The following HSD3B1 variants were observed in gnomAD, a reference collection of about 807,000 sequenced individuals.
HSD3B1 encodes hydroxy-delta-5-steroid dehydrogenase, 3 beta- and steroid delta-isomerase 1, also known as 3 beta-hydroxysteroid dehydrogenase/Delta 5-->4-isomerase type 1.
HSD3B1 carries 11 observed loss-of-function variants against 10.4 expected under a neutral mutation model. That is an observed-to-expected ratio of 1.05 (90% CI 0.66 to 1.75). HSD3B1 has a LOEUF of 1.75. Among genes scored for constraint, HSD3B1 ranks in the 40% most tolerant of loss-of-function variants. HSD3B1 has a pLI of 0.00. For missense variants in HSD3B1, 490 were observed against 454.5 expected (o/e 1.08, Z -0.71); for synonymous variants, 217 against 185.4 (o/e 1.17, Z -1.39).
In HSD3B1 at chr1:119,514,404, T is replaced by C. The variant is rs767386269; in HGVS notation, c.881T>C (p.Ile294Thr). 25 of 1,614,052 alleles carry C rather than the reference T, an allele frequency of 1.5e-5. No individual in the cohort carries two copies. The highest frequency in any genetic ancestry group is 2.1e-5 in the Non-Finnish European group (25 of 1,180,010). The change falls in exon 4 of 4, where the codon ATT becomes ACT. Residue 294 changes from isoleucine to threonine, a missense_variant. Ile to Thr is a moderately conservative substitution (Grantham distance 89). Coordinates refer to ENST00000369413, the MANE Select transcript of HSD3B1 (RefSeq NM_000862.3). ...WSFPLSLMYW[I>T]GFLLEIVSFL... ...TTTCCTTTATCCCTGATGTATTGGA[T>C]TGGCTTCCTGCTGGAAATAGTGAGC...
chr1:119,514,691 C>T lies in HSD3B1; in HGVS notation c.*46C>T. 1 of 1,590,796 alleles carries T rather than the reference C, an allele frequency of 6.3e-7. No homozygotes were observed. Among genetic ancestry groups the T allele is most frequent in the Non-Finnish European group, 8.6e-7 (1 of 1,165,366 alleles). On this transcript the variant is annotated 3_prime_UTR_variant, in exon 4 of 4. Transcript: ENST00000369413. The stretch of plus-strand genomic sequence containing the variant: ...GCATGTGGGTATTGTTAGGAGATGT[C>T]ATCAAGCTCCACCCTCCTGGCCTCA...
chr1:119,509,576 G>A (rs947205968), intron 2 of HSD3B1, among the ~76,000 whole-genome samples: 1 of 152,164 alleles, frequency 6.6e-6, no homozygotes, highest in African/African-American at 2.4e-5. Flanking sequence ...GGGCAGAGGT[G>A]GAACTAGAAC....
rs1234618024 is a variant in HSD3B1 at position 119,511,663 on chromosome 1, G to A, written c.306G>A (p.Val102=). The change falls in exon 3 of 4, where the codon GTG becomes GTA. Residue 102 remains valine (V), a synonymous_variant. Coordinates refer to ENST00000369413, the MANE Select transcript of HSD3B1 (RefSeq NM_000862.3). The part of the protein sequence containing the change: ...THRESIMNVN[V]KGTQLLLEAC... Reference sequence around the variant, plus strand: ...GAGAGTCTATCATGAATGTCAATGTGAAAGGTATGGTAGGCTGGGGAGGAG... The same window carrying A: ...GAGAGTCTATCATGAATGTCAATGTAAAAGGTATGGTAGGCTGGGGAGGAG... 1 of 1,613,434 alleles carries A rather than the reference G, an allele frequency of 6.2e-7. No homozygotes were observed. Among genetic ancestry groups the A allele is most frequent in the Non-Finnish European group, 8.5e-7 (1 of 1,179,594 alleles).
rs145818988 is a variant in HSD3B1 at position 119,509,881 on chromosome 1, A to G, written c.146-1622A>G. On this transcript the variant is annotated intron_variant, in intron 2 of 3. Transcript: ENST00000369413. ...AAAGAATGATATTAAACAACAGAAA[A>G]GTTGATATTAAACAGCCAGTCCTGC... Among the ~76,000 whole-genome samples the G allele has an allele frequency of 1.1e-4, 16 of 152,266 alleles. No individual in the cohort carries two copies. The East Asian group carries it at 2.3e-3, about 22-fold the overall frequency.
rs1298756494 is a variant in HSD3B1 at position 119,507,372 on chromosome 1, C to T, written c.-85-20C>T. 1.7e-6 allele frequency: 2 copies of T among 1,181,152 alleles called. No homozygotes were observed. Among genetic ancestry groups the T allele is most frequent in the Non-Finnish European group, 2.5e-6 (2 of 802,052 alleles). 73.2% of individuals were successfully genotyped at this position (1,181,152 alleles called of 1,614,324 possible). On this transcript the variant is annotated intron_variant, in intron 1 of 3. Transcript: ENST00000369413. ...TGAGGCATCTGTGTGAGTATATAAC[C>T]ATTTGACATCTCTTTTTAGCCCTCT...
At position 119,514,263 on chromosome 1, in the gene HSD3B1, C is replaced by T; in HGVS notation, c.740C>T (p.Pro247Leu). 1.2e-6 allele frequency: 2 copies of T among 1,614,110 alleles called. No individual in the cohort carries two copies. Among genetic ancestry groups the T allele is most frequent in the Non-Finnish European group, 1.7e-6 (2 of 1,180,006 alleles). The change falls in exon 4 of 4, where the codon CCA becomes CTA. Residue 247 changes from proline (P) to leucine (L), a missense_variant. Coordinates refer to ENST00000369413, the MANE Select transcript of HSD3B1 (RefSeq NM_000862.3). ...GCCCTGCAGGACCCCAAGAAGGCCC[C>T]AAGCATCCGAGGACAGTTCTACTAT... ...LRALQDPKKAPSIRGQFYYIS... is the reference protein window; with the variant it reads ...LRALQDPKKALSIRGQFYYIS...
At chr1:119,513,487 G>T (rs587719932) in intron 3 of HSD3B1, among the ~76,000 whole-genome samples, 36 of 151,928 alleles carry the variant, frequency 2.4e-4, no homozygotes, top group Non-Finnish European at 3.2e-4. Flanking sequence ...GACTTTAATG[G>T]TACTGATTAC....
At chr1:119,507,692 T>A (rs958352454) in intron 2 of HSD3B1, 71 bp downstream of exon 2, 1 of 1,490,420 alleles carries the variant, frequency 6.7e-7, no homozygotes, top group Non-Finnish European at 9.4e-7. Context: ...GAGATGGACC[T>A]TGTCTAGCAA....
chr1:119,511,915 A>G, intron 3 of HSD3B1: 2 of 475,390 alleles, frequency 4.2e-6, no homozygotes, highest in South Asian at 2.3e-5. Context: ...GGAGAGTTAG[A>G]CTTTAAACTC....
chr1:119,514,062 T>C lies in HSD3B1; in HGVS notation c.539T>C (p.Leu180Pro), dbSNP rs924253934. The change falls in exon 4 of 4, where the codon CTG becomes CCG. Residue 180 changes from leucine (L) to proline (P), a missense_variant. Coordinates refer to ENST00000369413, the MANE Select transcript of HSD3B1 (RefSeq NM_000862.3). Reference protein sequence around the residue: ...NGWNLKNGGTLYTCALRPMYI... With the variant: ...NGWNLKNGGTPYTCALRPMYI... ...TGGAATCTGAAAAACGGCGGCACCC[T>C]GTACACTTGTGCCTTACGACCCATG... is the stretch of plus-strand genomic sequence containing the variant. The C allele has an allele frequency of 1.2e-6, 2 of 1,614,030 alleles. No homozygotes were observed. Among genetic ancestry groups the C allele is most frequent in the African/African-American group, 1.3e-5 (1 of 74,924 alleles).
In HSD3B1 at chr1:119,514,987, C is replaced by T. The variant is rs1654067836; in HGVS notation, c.*342C>T. The T allele has an allele frequency of 3.6e-6, 1 of 281,428 alleles. No homozygotes were observed. Among genetic ancestry groups the T allele is most frequent in the South Asian group, 5.9e-5 (1 of 16,814 alleles). The allele number at this position is 281,428 out of a possible 1,614,324, so 17.4% of individuals were successfully genotyped here. ...CTACTCTTAAATGAGAAAGGATTTC[C>T]TTTCTTTTTAATCTTCCATTCCTTC... is the stretch of plus-strand genomic sequence containing the variant. On this transcript the variant is annotated 3_prime_UTR_variant, in exon 4 of 4. Coordinates refer to ENST00000369413, the MANE Select transcript of HSD3B1 (RefSeq NM_000862.3).
In HSD3B1 at chr1:119,513,826, A is replaced by G. The variant is rs766473772; in HGVS notation, c.311-8A>G. 1.9e-6 allele frequency: 3 copies of G among 1,613,052 alleles called. No individual in the cohort carries two copies. The South Asian group carries it at 3.3e-5, about 18-fold the overall frequency. On this transcript the variant is annotated splice_polypyrimidine_tract_variant and splice_region_variant and intron_variant, in intron 3 of 3. Transcript: ENST00000369413. ...TCCTGACAGTGACAATATGCTCTTC[A>G]TGGACAGGTACCCAGCTCCTGTTAG...
At chr1:119,508,021 C>T (rs1653838081) in intron 2 of HSD3B1, 1 of 187,498 alleles carries the variant, frequency 5.3e-6, no homozygotes, top group Non-Finnish European at 1.1e-5. Flanking sequence ...GGGTCATTGT[C>T]TCTCTAGAAC....
intron 2 of HSD3B1, among the ~76,000 whole-genome samples, chr1:119,508,851 A>T (rs1198134009): frequency 6.6e-6 from 1 of 152,162 alleles, no homozygotes; most frequent in East Asian, 1.9e-4. Flanking sequence ...GAAATGTTCG[A>T]TTTCTTCCAC....
intron 3 of HSD3B1, among the ~76,000 whole-genome samples, chr1:119,513,204 A>T (rs1210396631): frequency 6.6e-6 from 1 of 152,202 alleles, no homozygotes. Flanking sequence ...GGGAATGCAC[A>T]ATCAGGAAGA....
At chr1:119,510,681 T>TTTTG (rs1177483853) in intron 2 of HSD3B1, among the ~76,000 whole-genome samples, 3 of 150,802 alleles carry the variant, frequency 2.0e-5, no homozygotes, top group Non-Finnish European at 4.4e-5. Context: ...ACAACCCTGC[T>TTTTG]TTTGTTCCTT....
chr1:119,512,923 A>G (rs1653977995), intron 3 of HSD3B1, among the ~76,000 whole-genome samples: 1 of 152,206 alleles, frequency 6.6e-6, no homozygotes, highest in Non-Finnish European at 1.5e-5. Flanking sequence ...AAAAATTTGT[A>G]AATAAAAATG....
intron 2 of HSD3B1, 86 bp from the exon 3 acceptor site, chr1:119,511,417 G>T: frequency 7.3e-7 from 1 of 1,361,782 alleles, no homozygotes; most frequent in South Asian, 1.2e-5. Context: ...AACCATCCTT[G>T]AACACCTATG....
chr1:119,509,880 A>G (rs1570877916), intron 2 of HSD3B1, among the ~76,000 whole-genome samples: 1 of 152,290 alleles, frequency 6.6e-6, no homozygotes, highest in East Asian at 1.9e-4. Context: ...AACAACAGAA[A>G]AGTTGATATT....
Sources: allele counts gnomAD v4.1 joint callset (sites outside exome capture counted in the v4.1 genomes callset), GRCh38; gene constraint gnomAD v4.1.1; transcripts MANE v1.5; gene names NCBI Gene and HGNC (gene_info 2026-07-23, HGNC 2026-07-21).